Variants in SETBP1 observed in about 807,000 individuals in gnomAD.
SETBP1 encodes SET binding protein 1.
In SETBP1, 9 loss-of-function variants were observed where a neutral mutation model predicts 101.0. The ratio of observed to expected loss-of-function variants is 0.09; its 90% CI spans 0.05 to 0.16. The LOEUF is 0.16. Among genes scored for constraint, SETBP1 ranks in the 10% least tolerant of loss-of-function variants. The pLI is 1.00. For missense variants in SETBP1, 1,858 were observed against 2,033.8 expected (o/e 0.91, Z 1.66); for synonymous variants, 818 against 788.5 (o/e 1.04, Z -0.63).
chr18:45,010,783 C>T (rs141015707), intron 4 of SETBP1, among the ~76,000 whole-genome samples: 30 of 152,288 alleles, frequency 2.0e-4, no homozygotes, highest in African/African-American at 4.3e-4. Flanking sequence ...TCATTCCTTA[C>T]GACAACTCTG....
chr18:44,923,397 G>T (rs1260824277), intron 3 of SETBP1, among the ~76,000 whole-genome samples: 1 of 152,162 alleles, frequency 6.6e-6, no homozygotes, highest in Non-Finnish European at 1.5e-5. Flanking sequence ...GTTTAGACAT[G>T]TCCAGAATCA....
chr18:44,698,536 C>T (rs900522224), intron 1 of SETBP1, among the ~76,000 whole-genome samples: 31 of 152,162 alleles, frequency 2.0e-4, no homozygotes, highest in Non-Finnish European at 4.4e-5. Flanking sequence ...CTGCCCAGGA[C>T]GTGGCCTCAC....
At chr18:44,965,962 A>G (rs904479731) in intron 4 of SETBP1, among the ~76,000 whole-genome samples, 1 of 152,226 alleles carries the variant, frequency 6.6e-6, no homozygotes, top group Non-Finnish European at 1.5e-5. Context: ...TTCTTGGTCC[A>G]GAGCAGTGAC....
chr18:45,047,266 G>A (rs774808506), intron 5 of SETBP1, among the ~76,000 whole-genome samples: 4 of 152,086 alleles, frequency 2.6e-5, no homozygotes, highest in Admixed American at 1.3e-4. Context: ...CCTCCCATAC[G>A]TGAAGCGATT....
chr18:44,966,345 G>T (rs2071720570), intron 4 of SETBP1, among the ~76,000 whole-genome samples: 1 of 152,118 alleles, frequency 6.6e-6, no homozygotes, highest in Non-Finnish European at 1.5e-5. Context: ...TTACCTGAGT[G>T]TGCAATCACC....
chr18:44,826,311 C>T (rs2072236133), intron 2 of SETBP1, among the ~76,000 whole-genome samples: 1 of 152,202 alleles, frequency 6.6e-6, no homozygotes, highest in Non-Finnish European at 1.5e-5. Flanking sequence ...CTCTCCACCT[C>T]CGTCAGTCCC....
In SETBP1 at chr18:44,994,097, CA is replaced by C. The variant is rs1395328958; in HGVS notation, c.4000+40763del. Among the ~76,000 whole-genome samples the C allele has an allele frequency of 1.2e-4, 18 of 151,496 alleles. No homozygotes were observed. The East Asian group carries it at 3.3e-3, about 28-fold the overall frequency. On this transcript the variant is annotated intron_variant, in intron 4 of 5. Coordinates refer to ENST00000649279, the MANE Select transcript of SETBP1 (RefSeq NM_015559.3). Reference sequence around the variant, plus strand: ...TGAAAATATTTGCATTTTATATTACCAAAAAAGGAGAATTTGGAATATTTAA... The same window carrying C: ...TGAAAATATTTGCATTTTATATTACCAAAAAGGAGAATTTGGAATATTTAA...
At chr18:44,858,134 A>T (rs751519140) in intron 2 of SETBP1, among the ~76,000 whole-genome samples, 9 of 152,240 alleles carry the variant, frequency 5.9e-5, no homozygotes, top group African/African-American at 2.2e-4. Context: ...GGAAGTTGTC[A>T]TGAGAAGAAT....
At chr18:44,774,146 A>G (rs1359330367) in intron 2 of SETBP1, among the ~76,000 whole-genome samples, 2 of 152,136 alleles carry the variant, frequency 1.3e-5, no homozygotes, top group Non-Finnish European at 2.9e-5. Context: ...CTATGAGCTG[A>G]CCCTGTGACT....
At chr18:45,048,371 A>AT (rs1455976170) in intron 5 of SETBP1, among the ~76,000 whole-genome samples, 1 of 152,226 alleles carries the variant, frequency 6.6e-6, no homozygotes, top group Non-Finnish European at 1.5e-5. Flanking sequence ...TATTTTATGA[A>AT]ACCCTCTCAT....
At chr18:44,893,045 G>A (rs1296745954) in intron 3 of SETBP1, among the ~76,000 whole-genome samples, 1 of 152,004 alleles carries the variant, frequency 6.6e-6, no homozygotes, top group African/African-American at 2.4e-5. Context: ...CTGCCATCTA[G>A]GATTATGATG....
At chr18:45,046,682 T>C (rs1281713099) in intron 5 of SETBP1, among the ~76,000 whole-genome samples, 1 of 152,228 alleles carries the variant, frequency 6.6e-6, no homozygotes, top group Non-Finnish European at 1.5e-5. Context: ...TTATTTTGTA[T>C]GTGTTAGTCT....
At chr18:45,012,702 C>A (rs2145383547) in intron 4 of SETBP1, among the ~76,000 whole-genome samples, 1 of 152,282 alleles carries the variant, frequency 6.6e-6, no homozygotes, top group South Asian at 2.1e-4. Context: ...AAAATCATGT[C>A]TTTTGCAGCA....
At chr18:45,002,789 G>C (rs57741992) in intron 4 of SETBP1, among the ~76,000 whole-genome samples, 1 of 152,102 alleles carries the variant, frequency 6.6e-6, no homozygotes, top group African/African-American at 2.4e-5. Flanking sequence ...AAAGGTGTTC[G>C]TTTGTTTTAC....
chr18:44,768,829 C>T (rs1210571732), intron 2 of SETBP1, among the ~76,000 whole-genome samples: 1 of 152,236 alleles, frequency 6.6e-6, no homozygotes, highest in Non-Finnish European at 1.5e-5. Flanking sequence ...TGGAAACCCT[C>T]ATAAGAAGAC....
chr18:44,727,186 C>CTGTG (rs56695366), intron 2 of SETBP1, among the ~76,000 whole-genome samples: 7,290 of 145,206 alleles, frequency 0.05, 207 homozygotes, highest in South Asian at 0.11. Context: ...TATTTGATCA[C>CTGTG]TGTGTGTGTG....
At chr18:44,816,699 G>A (rs540481356) in intron 2 of SETBP1, among the ~76,000 whole-genome samples, 5 of 152,232 alleles carry the variant, frequency 3.3e-5, no homozygotes, top group Admixed American at 6.5e-5. Flanking sequence ...TGTGTTCAAC[G>A]AAATAGAACA....
At chr18:44,945,057 T>C (rs1490968505) in intron 3 of SETBP1, among the ~76,000 whole-genome samples, 1 of 152,208 alleles carries the variant, frequency 6.6e-6, no homozygotes, top group Non-Finnish European at 1.5e-5. Context: ...CATGCAGGTT[T>C]GTTACATATG....
intron 2 of SETBP1, among the ~76,000 whole-genome samples, chr18:44,853,608 T>C (rs560106662): frequency 1.3e-5 from 2 of 152,360 alleles, no homozygotes; most frequent in East Asian, 1.9e-4. Flanking sequence ...CTACTAAGCA[T>C]GTGTTACTTT....
Sources: gnomAD v4.1 joint callset for allele counts (sites outside exome capture counted in the v4.1 genomes callset) on GRCh38, gnomAD v4.1.1 for gene constraint, MANE v1.5 for transcripts, NCBI Gene and HGNC (gene_info 2026-07-23, HGNC 2026-07-21) for gene names.